The following SLX9 variants were observed in gnomAD, a reference collection of about 807,000 sequenced individuals.
SLX9 encodes ribosome biogenesis protein SLX9 homolog.
A neutral mutation model predicts 20.8 loss-of-function variants in SLX9; 19 were observed. The observed-to-expected ratio is 0.91, with a 90% CI of 0.64 to 1.34. The LOEUF is 1.34. Among genes scored for constraint, SLX9 ranks in the 40% most tolerant of loss-of-function variants. The pLI is 0.00. For missense variants in SLX9, 299 were observed against 322.2 expected (o/e 0.93, Z 0.55); for synonymous variants, 113 against 137.1 (o/e 0.82, Z 1.23).
intron 3 of SLX9, among the ~76,000 whole-genome samples, chr21:44,962,374 G>A (rs966874710): frequency 2.0e-5 from 3 of 152,048 alleles, no homozygotes; most frequent in Admixed American, 2.0e-4. Context: ...ACCCTTTGTC[G>A]TCCACAGTTG....
intron 3 of SLX9, among the ~76,000 whole-genome samples, chr21:44,965,904 T>C (rs1420592905): frequency 6.6e-6 from 1 of 151,924 alleles, no homozygotes; most frequent in Non-Finnish European, 1.5e-5. Context: ...AGGTGCCGAG[T>C]AACGTGTCTA....
rs561742636 is a variant in SLX9 at position 44,957,592 on chromosome 21, G to A, written c.284-2508G>A. ...TCGCAGGAGCCACCTCATGCCCTGC[G>A]GCCTTGTCTTTCACCCTTTGGGCTT... On this transcript the variant is annotated intron_variant, in intron 2 of 5. Transcript: ENST00000291634. Among the ~76,000 whole-genome samples the A allele has an allele frequency of 9.8e-5, 15 of 152,338 alleles. No homozygotes were observed. In the East Asian group the frequency reaches 1.9e-3, roughly 20 times the overall value.
chr21:44,947,072 C>T (rs1488968532), intron 2 of SLX9, among the ~76,000 whole-genome samples: 1 of 152,232 alleles, frequency 6.6e-6, no homozygotes, highest in African/African-American at 2.4e-5. Context: ...TTGGCTGCTC[C>T]TCACCATGTT....
At chr21:44,967,227 C>T (rs774732123) in intron 4 of SLX9, 46 bp downstream of exon 4, 19 of 1,530,694 alleles carry the variant, frequency 1.2e-5, no homozygotes, top group Non-Finnish European at 1.7e-5. Flanking sequence ...TGGGGCTGAC[C>T]CGGGTCCAGA....
intron 4 of SLX9, among the ~76,000 whole-genome samples, chr21:44,972,815 TG>T (rs2085176691): frequency 6.6e-6 from 1 of 152,134 alleles, no homozygotes; most frequent in African/African-American, 2.4e-5. Flanking sequence ...CAGCCTGCCC[TG>T]GCCAGGCAGG....
At chr21:44,952,529 C>T (rs528840494) in intron 2 of SLX9, among the ~76,000 whole-genome samples, 6 of 152,344 alleles carry the variant, frequency 3.9e-5, no homozygotes, top group African/African-American at 1.2e-4. Context: ...GGTCTGGCCC[C>T]AGCTGCTTCA....
chr21:44,973,223 C>T lies in SLX9; in HGVS notation c.527C>T (p.Ser176Leu), dbSNP rs2085190052. Residue 176 changes from serine to leucine, a missense_variant, in exon 5 of 6, where the codon TCA (serine) becomes TTA (leucine). Transcript: ENST00000291634. ...AGGGAGAGCAACAAGCCCCGGCCCT[C>T]AGAGCTCAGCCGGATGAGCGCAGCC... ...RSRESNKPRP[S>L]ELSRMSAAQR... 1 of 1,613,128 alleles carries T rather than the reference C, an allele frequency of 6.2e-7. No homozygotes were observed. The highest frequency in any genetic ancestry group is 1.7e-5 in the Admixed American group (1 of 60,008).
chr21:44,970,244 C>T (rs2085118509), intron 4 of SLX9, among the ~76,000 whole-genome samples: 1 of 152,216 alleles, frequency 6.6e-6, no homozygotes, highest in African/African-American at 2.4e-5. Flanking sequence ...GTCTCTTCTC[C>T]CCGTGTATGT....
intron 4 of SLX9, chr21:44,969,388 C>G: frequency 2.7e-6 from 1 of 374,496 alleles, no homozygotes; most frequent in Non-Finnish European, 5.6e-6. Flanking sequence ...CTTGGCGCTC[C>G]CAGAAGGGAG....
intron 2 of SLX9, among the ~76,000 whole-genome samples, chr21:44,947,985 G>A (rs780327845): frequency 4.6e-5 from 7 of 152,244 alleles, no homozygotes; most frequent in African/African-American, 1.4e-4. Flanking sequence ...GTGAGCACCC[G>A]TCTCCTGAGC....
At chr21:44,955,808 G>A (rs2084847204) in intron 2 of SLX9, among the ~76,000 whole-genome samples, 2 of 152,212 alleles carry the variant, frequency 1.3e-5, no homozygotes. Flanking sequence ...AGGGAGTGTG[G>A]GCCATCCTTG....
rs750076263 is a variant in SLX9, at chr21:44,943,862, A to G, written c.283+25A>G. On this transcript the variant is annotated intron_variant, in intron 2 of 5. Coordinates refer to ENST00000291634, the MANE Select transcript of SLX9 (RefSeq NM_058190.4). Reference sequence around the variant, plus strand: ...GGTGAGGCAGGCTCGACGGGTTACCATGCTGATACCCAGCAGGTCTGGGAT... The same window carrying G: ...GGTGAGGCAGGCTCGACGGGTTACCGTGCTGATACCCAGCAGGTCTGGGAT... The G allele has an allele frequency of 4.5e-5, 72 of 1,613,660 alleles. 2 individuals carry two copies. The South Asian group carries it at 7.1e-4, about 16-fold the overall frequency.
At chr21:44,951,159 G>C (rs558251143) in intron 2 of SLX9, among the ~76,000 whole-genome samples, 3 of 152,286 alleles carry the variant, frequency 2.0e-5, no homozygotes, top group Admixed American at 6.5e-5. Context: ...CCTCTTCTGT[G>C]CCTGTGTCTC....
At chr21:44,944,201 G>T (rs918743033) in intron 2 of SLX9, among the ~76,000 whole-genome samples, 2 of 152,222 alleles carry the variant, frequency 1.3e-5, no homozygotes, top group Non-Finnish European at 2.9e-5. Context: ...TTAAACAAGT[G>T]CTTTATGTGT....
intron 3 of SLX9, among the ~76,000 whole-genome samples, chr21:44,961,437 G>A (rs950777798): frequency 6.6e-6 from 1 of 152,190 alleles, no homozygotes; most frequent in Non-Finnish European, 1.5e-5. Context: ...AAATTAGTCA[G>A]ATTAGGTGGT....
chr21:44,948,089 A>G (rs2084677558), intron 2 of SLX9, among the ~76,000 whole-genome samples: 2 of 152,246 alleles, frequency 1.3e-5, no homozygotes, highest in South Asian at 4.1e-4. Context: ...CCGGGTGTCC[A>G]GTGGTGGCTG....
intron 4 of SLX9, among the ~76,000 whole-genome samples, chr21:44,969,717 A>G (rs532001856): frequency 2.3e-4 from 35 of 152,340 alleles, no homozygotes; most frequent in Non-Finnish European, 3.4e-4. Context: ...GGAAGGAACC[A>G]GTATCAACAG....
At chr21:44,969,045 G>A (rs187797811) in intron 4 of SLX9, 135 of 424,564 alleles carry the variant, frequency 3.2e-4, no homozygotes, top group African/African-American at 2.2e-3. Flanking sequence ...GAGCCACCGC[G>A]CCTGGCCTAA....
chr21:44,942,501 T>A (rs531713318), intron 1 of SLX9, among the ~76,000 whole-genome samples: 27 of 152,348 alleles, frequency 1.8e-4, no homozygotes, highest in Non-Finnish European at 3.5e-4. Flanking sequence ...GCCTGGCACC[T>A]CTTGGTGCCC....
Sources: allele counts gnomAD v4.1 joint callset (sites outside exome capture counted in the v4.1 genomes callset), GRCh38; gene constraint gnomAD v4.1.1; transcripts MANE v1.5; gene names NCBI Gene and HGNC (gene_info 2026-07-23, HGNC 2026-07-21).